The following ATP2A3 variants were observed in gnomAD, a reference collection of about 807,000 sequenced individuals.
The protein encoded by ATP2A3 is ATPase sarcoplasmic/endoplasmic reticulum Ca2+ transporting 3.
Under a neutral mutation model 106.8 loss-of-function variants are expected in ATP2A3, and 61 were observed. The observed-to-expected ratio is 0.57, with a 90% CI of 0.46 to 0.71. ATP2A3 has a LOEUF of 0.71. Ranked by LOEUF, ATP2A3 falls within the 30% of genes least tolerant of loss-of-function variation. The pLI is 0.00. For synonymous variants in ATP2A3, 611 were observed against 609.3 expected (o/e 1.00, Z -0.04); for missense variants, 1,201 against 1,423.5 (o/e 0.84, Z 2.52).
In ATP2A3 at chr17:3,928,176, A is replaced by G; in HGVS notation, c.2980+487T>C. The G allele has an allele frequency of 1.2e-6, 2 of 1,605,674 alleles. No homozygotes were observed. The highest frequency in any genetic ancestry group is 1.7e-6 in the Non-Finnish European group (2 of 1,172,684). ...CACTCCGGGGTTAAGGCAGACCCAGAGCTGTGAGCTCAGAAACAACCCTCC... is the reference window on the plus strand; with the variant it reads ...CACTCCGGGGTTAAGGCAGACCCAGGGCTGTGAGCTCAGAAACAACCCTCC... On this transcript the variant is annotated intron_variant, in intron 20 of 20. Transcript: ENST00000397041. This position sits in a 1 kb window ranked among gnomAD's most constrained non-coding sequence, Gnocchi z 6.1.
chr17:3,950,623 C>T, intron 6 of ATP2A3, 27 bp from the exon 7 acceptor site: 1 of 1,613,838 alleles, frequency 6.2e-7, no homozygotes, highest in Non-Finnish European at 8.5e-7. Context: ...AGATGAGAAG[C>T]CCCACATGAA....
intron 16 of ATP2A3, among the ~76,000 whole-genome samples, chr17:3,935,928 G>A (rs2053417741): frequency 6.6e-6 from 1 of 152,168 alleles, no homozygotes. Flanking sequence ...CCCAGCCCAG[G>A]CCTGAGATTC....
chr17:3,951,484 A>T lies in ATP2A3; in HGVS notation c.325-95T>A, dbSNP rs567006785. 9.4e-6 allele frequency: 15 copies of T among 1,597,256 alleles called. No homozygotes were observed. The South Asian group carries it at 1.5e-4, about 15-fold the overall frequency. ...CCTCTGGGGCCTGGGATGGAGGTGG[A>T]AGCAGGAGAGTCTGCAGGACGCCAG... is the stretch of plus-strand genomic sequence containing the variant. On this transcript the variant is annotated intron_variant, in intron 4 of 20. Coordinates refer to ENST00000397041, the MANE Select transcript of ATP2A3 (RefSeq NM_005173.4).
intron 14 of ATP2A3, 52 bp downstream of exon 14, chr17:3,940,919 C>A: frequency 6.3e-7 from 1 of 1,597,234 alleles, no homozygotes. Context: ...TCTTTTCACA[C>A]CCCGTGGCCC....
At chr17:3,931,893 G>A (rs1291170594) in intron 17 of ATP2A3, among the ~76,000 whole-genome samples, 1 of 152,166 alleles carries the variant, frequency 6.6e-6, no homozygotes. Flanking sequence ...CGTGTAAAAT[G>A]CCCGGCTGTC....
At chr17:3,935,343 C>T (rs2053377109) in intron 16 of ATP2A3, 66 bp from the exon 17 acceptor site, 6 of 1,465,818 alleles carry the variant, frequency 4.1e-6, no homozygotes, top group East Asian at 2.3e-5. Context: ...GTTTCCCCTG[C>T]CTAATAATTC....
At chr17:3,951,821 GC>G in intron 3 of ATP2A3, 136 bp from the exon 4 acceptor site, 1 of 914,622 alleles carries the variant, frequency 1.1e-6, no homozygotes, top group Non-Finnish European at 1.7e-6. Flanking sequence ...CTTGGAGAGG[GC>G]CACTCCTCCG....
chr17:3,930,587 GTGC>G lies in ATP2A3; in HGVS notation c.2611-156_2611-154del. The G allele has an allele frequency of 1.8e-6, 2 of 1,106,408 alleles. No homozygotes were observed. The highest frequency in any genetic ancestry group is 2.6e-6 in the Non-Finnish European group (2 of 767,098). The allele number at this position is 1,106,408 out of a possible 1,614,324, so 68.5% of individuals were successfully genotyped here. ...GGGTGGGCTGGGGATCCCGGGAGGG[GTGC>G]GGGGTCGGGGCGGCGGTGGGGAGAG... On this transcript the variant is annotated intron_variant, in intron 17 of 20. Coordinates refer to ENST00000397041, the MANE Select transcript of ATP2A3 (RefSeq NM_005173.4). This position sits in a 1 kb window ranked among gnomAD's most constrained non-coding sequence, Gnocchi z 5.4.
intron 7 of ATP2A3, among the ~76,000 whole-genome samples, chr17:3,949,256 C>G (rs2054285684): frequency 6.6e-6 from 1 of 152,156 alleles, no homozygotes; most frequent in African/African-American, 2.4e-5. Context: ...ACTGGCCTGA[C>G]CCTTCCTTGT....
rs1055465202 is a variant in ATP2A3 at position 3,942,454 on chromosome 17, C to T, written c.1545+152G>A. ...GAGCACCAAGGGTGGCACCAACCACCCCTACACCACCGGTTAGAGGCAAAA... is the reference window on the plus strand; with the variant it reads ...GAGCACCAAGGGTGGCACCAACCACTCCTACACCACCGGTTAGAGGCAAAA... On this transcript the variant is annotated intron_variant, in intron 12 of 20. Transcript: ENST00000397041. The T allele has an allele frequency of 6.7e-6, 8 of 1,201,616 alleles. No homozygotes were observed. In the African/African-American group the frequency reaches 1.1e-4, roughly 16 times the overall value. 74.4% of individuals were successfully genotyped at this position (1,201,616 alleles called of 1,614,324 possible).
chr17:3,944,650 GT>G, intron 10 of ATP2A3, 53 bp downstream of exon 10: 1 of 1,566,392 alleles, frequency 6.4e-7, no homozygotes, highest in African/African-American at 1.4e-5. Flanking sequence ...TGGGAAAAGG[GT>G]CTGTCCTGGT....
At position 3,930,539 on chromosome 17, in the gene ATP2A3, C is replaced by T; in HGVS notation, c.2611-105G>A. 1.3e-6 allele frequency: 2 copies of T among 1,533,934 alleles called. No individual in the cohort carries two copies. The highest frequency in any genetic ancestry group is 8.8e-7 in the Non-Finnish European group (1 of 1,130,226). ...GCCCTTGGCCCACGCCTGGGCACAACCAGCACACAAAACACTGCCGTGGGG... is the reference window on the plus strand; with the variant it reads ...GCCCTTGGCCCACGCCTGGGCACAATCAGCACACAAAACACTGCCGTGGGG... On this transcript the variant is annotated intron_variant, in intron 17 of 20. Transcript: ENST00000397041. The surrounding 1 kb of genome is among the most constrained non-coding windows in gnomAD (Gnocchi z 5.4).
chr17:3,954,405 G>A (rs1274674640), intron 1 of ATP2A3, among the ~76,000 whole-genome samples: 2 of 125,900 alleles, frequency 1.6e-5, no homozygotes, highest in African/African-American at 3.1e-5. Flanking sequence ...AGACCCCCCA[G>A]CCCCGCCCCA....
chr17:3,926,879 A>C lies in ATP2A3; in HGVS notation c.2981-1438T>G. On this transcript the variant is annotated intron_variant, in intron 20 of 20. Transcript: ENST00000397041. This position sits in a 1 kb window ranked among gnomAD's most constrained non-coding sequence, Gnocchi z 4.6. ...CCACTGCACCCGGCCCGTTAGTCTC[A>C]CCCCCTCTTGCCTGTCCTCCATGGT... 1.0e-6 allele frequency: 1 copy of C among 984,852 alleles called. No individual in the cohort carries two copies. Among genetic ancestry groups the C allele is most frequent in the African/African-American group, 1.8e-5 (1 of 57,038 alleles). 61.0% of individuals were successfully genotyped at this position (984,852 alleles called of 1,614,324 possible).
intron 20 of ATP2A3, chr17:3,927,296 A>G: frequency 2.0e-6 from 2 of 985,472 alleles, no homozygotes; most frequent in Non-Finnish European, 2.4e-6. Context: ...GAGACATTTT[A>G]GCCATGGGCA....
chr17:3,936,184 G>C lies in ATP2A3; in HGVS notation c.2524+83C>G. On this transcript the variant is annotated intron_variant, in intron 16 of 20. Coordinates refer to ENST00000397041, the MANE Select transcript of ATP2A3 (RefSeq NM_005173.4). This position sits in a 1 kb window ranked among gnomAD's most constrained non-coding sequence, Gnocchi z 5.4. The stretch of plus-strand genomic sequence containing the variant: ...TTTCTACTGGCACAAGCCAGGCTGA[G>C]TCACACTGTCTGCAGCTTGCAAGCC... The C allele has an allele frequency of 6.5e-7, 1 of 1,540,564 alleles. No individual in the cohort carries two copies. Among genetic ancestry groups the C allele is most frequent in the South Asian group, 1.1e-5 (1 of 89,538 alleles).
At position 3,930,336 on chromosome 17, in the gene ATP2A3, C is replaced by T. The variant is rs1203392933; in HGVS notation, c.2709G>A (p.Val903=). The T allele has an allele frequency of 6.2e-7, 1 of 1,610,872 alleles. No homozygotes were observed. Among genetic ancestry groups the T allele is most frequent in the Non-Finnish European group, 8.5e-7 (1 of 1,178,556 alleles). The change falls in exon 18 of 21, where the codon GTG becomes GTA. Residue 903 remains valine (V), a synonymous_variant. Transcript: ENST00000397041. The surrounding 1 kb of genome is among the most constrained non-coding windows in gnomAD (Gnocchi z 5.4). ...SRFPTTMALS[V]LVTIEMCNAL... ...CATTGCACATTTCAATGGTCACGAG[C>T]ACGGACAAGGCCATGGTGGTGGGGA...
chr17:3,945,291 G>T, intron 8 of ATP2A3, 143 bp from the exon 9 acceptor site: 1 of 669,088 alleles, frequency 1.5e-6, no homozygotes, highest in Non-Finnish European at 2.5e-6. Context: ...CACCAGGAGG[G>T]AAATAGAACG....
At chr17:3,943,793 C>T (rs1032699606) in intron 10 of ATP2A3, among the ~76,000 whole-genome samples, 4 of 152,180 alleles carry the variant, frequency 2.6e-5, no homozygotes, top group Admixed American at 1.3e-4. Context: ...CCTCCTTCAC[C>T]GGTTTCTGCT....
Sources: gnomAD v4.1 joint callset for allele counts (sites outside exome capture counted in the v4.1 genomes callset) on GRCh38, gnomAD v4.1.1 for gene constraint, Gnocchi (gnomAD v3.1) non-coding constraint, MANE v1.5 for transcripts, NCBI Gene and HGNC (gene_info 2026-07-23, HGNC 2026-07-21) for gene names.